Variants in CELF4 observed in about 807,000 individuals in gnomAD.
CELF4 encodes CUG-BP- and ETR-3-like factor 4.
In CELF4, 18 loss-of-function variants were observed where a neutral mutation model predicts 59.9. That is an observed-to-expected ratio of 0.30 (90% CI 0.21 to 0.45). The LOEUF is 0.45. CELF4 is among the 20% of genes least tolerant of loss of function. CELF4 has a pLI of 1.00. For synonymous variants in CELF4, 261 were observed against 267.1 expected (o/e 0.98, Z 0.22); for missense variants, 456 against 689.0 (o/e 0.66, Z 3.79).
intron 3 of CELF4, among the ~76,000 whole-genome samples, chr18:37,313,363 C>T (rs4077472): frequency 0.14 from 21,574 of 152,210 alleles, 1,739 homozygotes; most frequent in South Asian, 0.25. Context: ...AGTTTCTGTG[C>T]ACCCAGATGC....
At chr18:37,376,904 C>T (rs1176516887) in intron 2 of CELF4, among the ~76,000 whole-genome samples, 3 of 152,048 alleles carry the variant, frequency 2.0e-5, no homozygotes, top group African/African-American at 7.2e-5. Flanking sequence ...CCCTCCCTAC[C>T]TCTGGGTACA....
intron 1 of CELF4, among the ~76,000 whole-genome samples, chr18:37,502,217 A>G (rs2099932618): frequency 1.3e-5 from 2 of 152,104 alleles, no homozygotes; most frequent in African/African-American, 2.4e-5. Context: ...TGCCAGTCCA[A>G]TTCCTCCCTC....
At chr18:37,542,677 G>A (rs1474073772) in intron 1 of CELF4, among the ~76,000 whole-genome samples, 1 of 152,152 alleles carries the variant, frequency 6.6e-6, no homozygotes, top group Non-Finnish European at 1.5e-5. Flanking sequence ...TGGGGATACG[G>A]TAAATGATAA....
intron 2 of CELF4, among the ~76,000 whole-genome samples, chr18:37,376,626 G>A (rs1011332773): frequency 6.6e-6 from 1 of 152,218 alleles, no homozygotes; most frequent in African/African-American, 2.4e-5. Flanking sequence ...TCATCCTCAG[G>A]AGTGTGGGGC....
intron 3 of CELF4, among the ~76,000 whole-genome samples, chr18:37,318,811 G>A (rs550466792): frequency 2.0e-5 from 3 of 152,138 alleles, no homozygotes; most frequent in African/African-American, 4.8e-5. Flanking sequence ...AGCCCAGCAC[G>A]GCCTTGCTGG....
chr18:37,268,377 A>C (rs888117082), intron 8 of CELF4, among the ~76,000 whole-genome samples: 1 of 152,184 alleles, frequency 6.6e-6, no homozygotes, highest in Non-Finnish European at 1.5e-5. Context: ...TCTAAGCTCT[A>C]TAGAAGGAGA....
chr18:37,373,240 C>T (rs2098924901), intron 2 of CELF4, among the ~76,000 whole-genome samples: 1 of 152,218 alleles, frequency 6.6e-6, no homozygotes, highest in Admixed American at 6.5e-5. Flanking sequence ...TTTCTCACTG[C>T]TGGTTCCCAT....
intron 2 of CELF4, among the ~76,000 whole-genome samples, chr18:37,428,066 G>A (rs1402626013): frequency 2.0e-5 from 3 of 152,204 alleles, no homozygotes; most frequent in African/African-American, 7.2e-5. Flanking sequence ...CCATGTTCTG[G>A]GAGCAGCAGC....
intron 2 of CELF4, among the ~76,000 whole-genome samples, chr18:37,354,862 T>C (rs999422329): frequency 2.0e-5 from 3 of 152,224 alleles, no homozygotes; most frequent in African/African-American, 7.2e-5. Context: ...TTGGTAATTC[T>C]GGTTTGTGGT....
At chr18:37,323,841 C>G (rs2097205878) in intron 2 of CELF4, among the ~76,000 whole-genome samples, 1 of 152,218 alleles carries the variant, frequency 6.6e-6, no homozygotes, top group African/African-American at 2.4e-5. Flanking sequence ...AGCGGCAGAG[C>G]TGGGATTCAG....
chr18:37,451,053 TG>T (rs2099762138), intron 2 of CELF4, among the ~76,000 whole-genome samples: 4 of 152,010 alleles, frequency 2.6e-5, no homozygotes, highest in Admixed American at 2.6e-4. Flanking sequence ...CCCAGGGACA[TG>T]GAGATGGTGG....
In CELF4 at chr18:37,253,999, C is replaced by A; in HGVS notation, c.1334-61G>T. 1.2e-5 allele frequency: 3 copies of A among 242,884 alleles called. No homozygotes were observed. The highest frequency in any genetic ancestry group is 1.5e-5 in the Non-Finnish European group (2 of 136,534). 15.0% of individuals were successfully genotyped at this position (242,884 alleles called of 1,614,324 possible). On this transcript the variant is annotated intron_variant, in intron 11 of 12. Coordinates refer to ENST00000420428, the MANE Select transcript of CELF4 (RefSeq NM_020180.4). This position sits in a 1 kb window ranked among gnomAD's most constrained non-coding sequence, Gnocchi z 4.5. Reference sequence around the variant, plus strand: ...ACGGGGCCGCCCGGGGCGCTGCCGGCGGGGAGGGGTCGGGGGACAGGGGGG... The same window carrying A: ...ACGGGGCCGCCCGGGGCGCTGCCGGAGGGGAGGGGTCGGGGGACAGGGGGG...
chr18:37,428,964 G>A (rs1000615170), intron 2 of CELF4, among the ~76,000 whole-genome samples: 4 of 152,140 alleles, frequency 2.6e-5, no homozygotes, highest in Non-Finnish European at 5.9e-5. Context: ...TATTCACCTG[G>A]GCACCCAGGA....
intron 1 of CELF4, among the ~76,000 whole-genome samples, chr18:37,495,656 G>A (rs1319561812): frequency 6.6e-6 from 1 of 152,048 alleles, no homozygotes; most frequent in East Asian, 1.9e-4. Flanking sequence ...GCTCTTCATG[G>A]CCATGGGACT....
intron 2 of CELF4, among the ~76,000 whole-genome samples, chr18:37,441,462 G>C (rs1276509047): frequency 6.6e-6 from 1 of 152,202 alleles, no homozygotes; most frequent in Admixed American, 6.5e-5. Context: ...AAACAAACCA[G>C]GAGTTTCAAA....
intron 1 of CELF4, among the ~76,000 whole-genome samples, chr18:37,530,938 G>A (rs1603643524): frequency 6.6e-6 from 1 of 152,092 alleles, no homozygotes; most frequent in East Asian, 1.9e-4. Context: ...TCTGGTCCAG[G>A]TCGTGGAACC....
intron 2 of CELF4, among the ~76,000 whole-genome samples, chr18:37,451,658 G>A (rs547490044): frequency 1.3e-5 from 2 of 152,162 alleles, no homozygotes; most frequent in African/African-American, 4.8e-5. Context: ...TCACAGCTCA[G>A]TGGCTCCTGA....
intron 2 of CELF4, among the ~76,000 whole-genome samples, chr18:37,366,471 G>A (rs528327094): frequency 2.6e-4 from 39 of 152,256 alleles, no homozygotes; most frequent in Admixed American, 2.6e-3. Context: ...GAGGTGGGTG[G>A]CTCATCCGGT....
At chr18:37,272,927 T>C in intron 7 of CELF4, 89 bp downstream of exon 7, 1 of 1,314,466 alleles carries the variant, frequency 7.6e-7, no homozygotes, top group South Asian at 1.4e-5. Flanking sequence ...TGCCACAGAA[T>C]GGTCCGCTGG....
Sources: allele counts gnomAD v4.1 joint callset (sites outside exome capture counted in the v4.1 genomes callset), GRCh38; gene constraint gnomAD v4.1.1; non-coding constraint Gnocchi (gnomAD v3.1); transcripts MANE v1.5; gene names NCBI Gene and HGNC (gene_info 2026-07-23, HGNC 2026-07-21).